The following NEK11 variants were observed in gnomAD, a reference collection of about 807,000 sequenced individuals.
The protein encoded by NEK11 is serine/threonine-protein kinase Nek11.
Under a neutral mutation model 80.7 loss-of-function variants are expected in NEK11, and 72 were observed. The ratio of observed to expected loss-of-function variants is 0.89; its 90% confidence interval spans 0.74 to 1.08. The LOEUF (loss-of-function observed/expected upper bound fraction) is 1.08, where lower values mean the gene tolerates loss of function less well. NEK11 is among the 50% of genes least tolerant of loss of function. The pLI is 0.00. For missense variants in NEK11, 764 were observed against 763.6 expected, an observed-to-expected ratio of 1.00 and a Z score of -0.01; for synonymous variants, 251 against 260.7, an observed-to-expected ratio of 0.96 and a Z score of 0.36.
chr3:131,160,305 A>C (rs4369994), intron 10 of NEK11, among the ~76,000 whole-genome samples: 123,300 of 151,996 alleles, frequency 0.81, 50,098 homozygotes, highest in East Asian at 0.85. Context: ...AATTCCAACC[A>C]AGAATTTCAT....
intron 3 of NEK11, among the ~76,000 whole-genome samples, chr3:131,036,248 A>C (rs1215173574): frequency 6.6e-6 from 1 of 152,236 alleles, no homozygotes; most frequent in Non-Finnish European, 1.5e-5. Context: ...AAAGTGAAAA[A>C]ACCCACATAT....
At chr3:131,281,379 T>C (rs1390820472) in intron 17 of NEK11, among the ~76,000 whole-genome samples, 3 of 152,220 alleles carry the variant, frequency 2.0e-5, no homozygotes, top group Non-Finnish European at 4.4e-5. Flanking sequence ...TTATATACAT[T>C]TTGTCTCCTT....
intron 16 of NEK11, among the ~76,000 whole-genome samples, chr3:131,250,479 G>T (rs7610933): frequency 0.11 from 16,495 of 152,076 alleles, 1,467 homozygotes; most frequent in African/African-American, 0.24. Context: ...TATCAAAAAT[G>T]AGGTCTGAAA....
At chr3:131,206,074 A>C (rs2094432801) in intron 14 of NEK11, among the ~76,000 whole-genome samples, 1 of 152,228 alleles carries the variant, frequency 6.6e-6, no homozygotes. Context: ...TTACAGTATA[A>C]CACAGAGCAC....
intron 3 of NEK11, among the ~76,000 whole-genome samples, chr3:131,056,981 C>T (rs1048251311): frequency 1.6e-4 from 24 of 151,106 alleles, no homozygotes; most frequent in Middle Eastern, 3.4e-3. Flanking sequence ...TGGTGTGCTG[C>T]ACCCATTAAC....
chr3:131,207,671 G>A, intron 14 of NEK11, among the ~76,000 whole-genome samples: 1 of 152,194 alleles, frequency 6.6e-6, no homozygotes, highest in Non-Finnish European at 1.5e-5. Flanking sequence ...ACTGGTGTGA[G>A]ATGGTATTTC....
intron 5 of NEK11, among the ~76,000 whole-genome samples, chr3:131,127,958 A>G (rs1369727615): frequency 6.6e-6 from 1 of 152,210 alleles, no homozygotes; most frequent in Non-Finnish European, 1.5e-5. Context: ...CCTGAAATCC[A>G]AGTTTATTGA....
chr3:131,041,947 G>GTT (rs2066555917), intron 3 of NEK11, among the ~76,000 whole-genome samples: 1 of 152,168 alleles, frequency 6.6e-6, no homozygotes, highest in Admixed American at 6.5e-5. Context: ...ACAGCCCACG[G>GTT]AGGGCGAGCA....
At chr3:131,038,072 T>TAA (rs11369199) in intron 3 of NEK11, among the ~76,000 whole-genome samples, 1 of 150,032 alleles carries the variant, frequency 6.7e-6, no homozygotes, top group Admixed American at 6.6e-5. Context: ...TTCTCACAGT[T>TAA]AAAAAAAAAA....
chr3:131,215,294 G>T (rs1028330937), intron 14 of NEK11, among the ~76,000 whole-genome samples: 7 of 140,510 alleles, frequency 5.0e-5, no homozygotes, highest in Admixed American at 7.1e-5. Flanking sequence ...GAGGGGGAAG[G>T]GATAGCATTA....
chr3:131,317,007 G>C (rs562795296), intron 17 of NEK11, among the ~76,000 whole-genome samples: 124 of 152,326 alleles, frequency 8.1e-4, no homozygotes, highest in Non-Finnish European at 1.7e-3. Flanking sequence ...AATTTCAAAT[G>C]AAAGTTGAGA....
intron 5 of NEK11, among the ~76,000 whole-genome samples, chr3:131,117,138 T>G (rs1311651803): frequency 6.6e-6 from 1 of 152,204 alleles, no homozygotes; most frequent in East Asian, 1.9e-4. Context: ...TAATCCATCT[T>G]GAAGAAATTT....
At chr3:131,211,133 G>C (rs988754041) in intron 14 of NEK11, among the ~76,000 whole-genome samples, 9 of 152,116 alleles carry the variant, frequency 5.9e-5, no homozygotes, top group Admixed American at 5.2e-4. Flanking sequence ...TCCATGTTTA[G>C]TGCTTCCTTC....
intron 3 of NEK11, among the ~76,000 whole-genome samples, chr3:131,039,097 T>G: frequency 6.6e-6 from 1 of 152,210 alleles, no homozygotes; most frequent in East Asian, 1.9e-4. Context: ...TGTATCTCAT[T>G]TATTCAATAA....
Position 131,179,902 on chromosome 3 carries a change from T to C in NEK11, c.1399+9015T>C, listed in dbSNP as rs962038077. On this transcript the variant is annotated intron_variant, in intron 14 of 17. Coordinates refer to ENST00000383366, the MANE Select transcript of NEK11 (RefSeq NM_024800.5). ...TAAAGTACAATATTATATTTCTCAA[T>C]TGTATTGGTCAGGCTAGGCTACACT... Among the ~76,000 whole-genome samples, 4 of 152,208 alleles carry C rather than the reference T, an allele frequency of 2.6e-5. 1 individual carries two copies. Among genetic ancestry groups the C allele is most frequent in the African/African-American group, 9.6e-5 (4 of 41,454 alleles).
chr3:131,251,763 A>G (rs2095708196), intron 16 of NEK11, among the ~76,000 whole-genome samples: 1 of 152,028 alleles, frequency 6.6e-6, no homozygotes, highest in South Asian at 2.1e-4. Flanking sequence ...TATGACTATG[A>G]TGACCTCTTA....
At chr3:131,210,026 C>G (rs913429884) in intron 14 of NEK11, among the ~76,000 whole-genome samples, 1 of 152,126 alleles carries the variant, frequency 6.6e-6, no homozygotes, top group Admixed American at 6.5e-5. Context: ...CTTCTGCTAG[C>G]TTTTGAATGT....
intron 10 of NEK11, among the ~76,000 whole-genome samples, chr3:131,160,535 A>G (rs1030244541): frequency 1.3e-5 from 2 of 152,224 alleles, no homozygotes; most frequent in African/African-American, 2.4e-5. Flanking sequence ...AGTCTGCATA[A>G]TAACCAGATA....
At position 131,267,413 on chromosome 3, in the gene NEK11, G is replaced by A. The variant is rs190866791; in HGVS notation, c.1622-6065G>A. Among the ~76,000 whole-genome samples, 1,160 of 152,312 alleles carry A rather than the reference G, an allele frequency of 7.6e-3. 3 individuals are homozygous for A. The highest frequency in any genetic ancestry group is 0.014 in the Middle Eastern group (4 of 294). On this transcript the variant is annotated intron_variant, in intron 16 of 17. Transcript: ENST00000383366. ...CGATAAAATCGCTCAACATTTGTTTGTCTGTAAAGGATTTTATTTCTCCCT... is the reference window on the plus strand; with the variant it reads ...CGATAAAATCGCTCAACATTTGTTTATCTGTAAAGGATTTTATTTCTCCCT...
Sources: allele counts gnomAD v4.1 joint callset (sites outside exome capture counted in the v4.1 genomes callset), GRCh38; gene constraint gnomAD v4.1.1; transcripts MANE v1.5; gene names NCBI Gene and HGNC (gene_info 2026-07-23, HGNC 2026-07-21).